The following DLGAP1 variants were observed in gnomAD, a reference collection of about 807,000 sequenced individuals.
DLGAP1 encodes disks large-associated protein 1.
DLGAP1 carries 11 observed loss-of-function variants against 90.8 expected under a neutral mutation model. The observed-to-expected ratio is 0.12, with a 90% CI of 0.08 to 0.20. The LOEUF (loss-of-function observed/expected upper bound fraction) is 0.20. DLGAP1 is among the 10% of genes least tolerant of loss of function. The pLI is 1.00. For synonymous variants in DLGAP1, 558 were observed against 540.7 expected (o/e 1.03, Z -0.44); for missense variants, 1,050 against 1,333.8 (o/e 0.79, Z 3.31).
chr18:3,966,063 A>T (rs979905386), intron 3 of DLGAP1, among the ~76,000 whole-genome samples: 1 of 151,964 alleles, frequency 6.6e-6, no homozygotes, highest in African/African-American at 2.4e-5. Context: ...CATATGAATA[A>T]TTTTAAATAA....
intron 1 of DLGAP1, among the ~76,000 whole-genome samples, chr18:4,410,680 C>A (rs906937095): frequency 9.4e-6 from 1 of 105,940 alleles, no homozygotes; most frequent in Non-Finnish European, 2.0e-5. Flanking sequence ...ATACAATTCC[C>A]CCCAAATATA....
At chr18:3,674,167 A>G (rs2060201233) in intron 7 of DLGAP1, among the ~76,000 whole-genome samples, 1 of 151,652 alleles carries the variant, frequency 6.6e-6, no homozygotes, top group Admixed American at 6.6e-5. Flanking sequence ...AACTGCTGCC[A>G]TTGCCAGGCA....
At chr18:3,573,951 C>T (rs2054957038) in intron 8 of DLGAP1, among the ~76,000 whole-genome samples, 1 of 152,208 alleles carries the variant, frequency 6.6e-6, no homozygotes, top group African/African-American at 2.4e-5. Flanking sequence ...ATCTACCCAC[C>T]TTAGCTTCCC....
intron 1 of DLGAP1, among the ~76,000 whole-genome samples, chr18:4,180,251 T>C (rs947957282): frequency 2.6e-5 from 4 of 152,210 alleles, no homozygotes; most frequent in African/African-American, 9.6e-5. Context: ...CCAGCACTCC[T>C]GACACTAGTG....
intron 2 of DLGAP1, among the ~76,000 whole-genome samples, chr18:4,025,114 C>G (rs1338613839): frequency 6.6e-6 from 1 of 152,056 alleles, no homozygotes; most frequent in Non-Finnish European, 1.5e-5. Context: ...AGCGGAAAGA[C>G]AAGTAGAGGA....
intron 1 of DLGAP1, among the ~76,000 whole-genome samples, chr18:4,205,936 G>A (rs923336625): frequency 4.6e-5 from 7 of 152,098 alleles, no homozygotes; most frequent in African/African-American, 7.2e-5. Context: ...GTAGAGGGCC[G>A]GTGAGAAGGA....
At chr18:3,546,079 A>G (rs2052995753) in intron 9 of DLGAP1, among the ~76,000 whole-genome samples, 1 of 152,204 alleles carries the variant, frequency 6.6e-6, no homozygotes, top group African/African-American at 2.4e-5. Flanking sequence ...ATTAGAGAAT[A>G]TAGAAGAATT....
intron 9 of DLGAP1, among the ~76,000 whole-genome samples, chr18:3,562,549 T>A: frequency 7.0e-6 from 1 of 142,738 alleles, no homozygotes. Flanking sequence ...CTTTTTTTTT[T>A]TTTTTTTTTT....
intron 2 of DLGAP1, among the ~76,000 whole-genome samples, chr18:4,086,273 A>T (rs1213424041): frequency 6.6e-6 from 1 of 152,214 alleles, no homozygotes; most frequent in Non-Finnish European, 1.5e-5. Flanking sequence ...AGATTTAGTC[A>T]TTCAATTGCT....
chr18:3,694,004 A>G (rs1220167503), intron 7 of DLGAP1, among the ~76,000 whole-genome samples: 2 of 151,830 alleles, frequency 1.3e-5, no homozygotes, highest in African/African-American at 2.4e-5. Context: ...TACATTAGGT[A>G]TTTCTCCTAA....
At chr18:3,659,445 A>ACCG (rs2059610414) in intron 7 of DLGAP1, among the ~76,000 whole-genome samples, 5 of 105,242 alleles carry the variant, frequency 4.8e-5, no homozygotes, top group Admixed American at 1.0e-4. Context: ...GGATGCTACC[A>ACCG]CCCCCCGCCG....
chr18:3,710,593 T>C (rs1490782460), intron 7 of DLGAP1, among the ~76,000 whole-genome samples: 1 of 152,224 alleles, frequency 6.6e-6, no homozygotes, highest in East Asian at 1.9e-4. Context: ...GCATTCACTA[T>C]AGATGTCACT....
chr18:3,874,873 T>C, intron 4 of DLGAP1: 1 of 918,564 alleles, frequency 1.1e-6, no homozygotes, highest in Non-Finnish European at 1.5e-6. Context: ...TCACTCATAA[T>C]ACAATTGACC....
At chr18:3,764,855 T>A (rs1050260661) in intron 5 of DLGAP1, among the ~76,000 whole-genome samples, 5 of 152,160 alleles carry the variant, frequency 3.3e-5, no homozygotes, top group African/African-American at 1.2e-4. Flanking sequence ...AGTTATCTGG[T>A]TTTTGTTCTA....
At chr18:3,545,778 T>C (rs904265432) in intron 9 of DLGAP1, among the ~76,000 whole-genome samples, 1 of 152,150 alleles carries the variant, frequency 6.6e-6, no homozygotes, top group African/African-American at 2.4e-5. Flanking sequence ...AAAAGATACA[T>C]GGTAATACTA....
chr18:4,249,755 T>C (rs960909232), intron 1 of DLGAP1, among the ~76,000 whole-genome samples: 1 of 152,112 alleles, frequency 6.6e-6, no homozygotes, highest in African/African-American at 2.4e-5. Flanking sequence ...TACTGGCTAA[T>C]TATTTTGCTT....
intron 2 of DLGAP1, among the ~76,000 whole-genome samples, chr18:4,012,757 C>T (rs1466676551): frequency 6.6e-6 from 1 of 151,042 alleles, no homozygotes; most frequent in Non-Finnish European, 1.5e-5. Flanking sequence ...ACTCTGTTAC[C>T]CAGGCTGGAC....
chr18:4,007,361 T>A (rs187422581), intron 2 of DLGAP1, among the ~76,000 whole-genome samples: 1 of 152,130 alleles, frequency 6.6e-6, no homozygotes, highest in Non-Finnish European at 1.5e-5. Flanking sequence ...TTTCTTAAAA[T>A]CATTTCATTG....
chr18:3,823,387 T>C (rs1207678117), intron 4 of DLGAP1, among the ~76,000 whole-genome samples: 1 of 152,208 alleles, frequency 6.6e-6, no homozygotes, highest in Non-Finnish European at 1.5e-5. Flanking sequence ...TAACATCTAA[T>C]ACACAAACAT....
Sources: gnomAD v4.1 joint callset for allele counts (sites outside exome capture counted in the v4.1 genomes callset) on GRCh38, gnomAD v4.1.1 for gene constraint, MANE v1.5 for transcripts, NCBI Gene and HGNC (gene_info 2026-07-23, HGNC 2026-07-21) for gene names.